Variants in SNAPC4 observed in about 807,000 individuals in gnomAD.
SNAPC4 encodes the protein snRNA-activating protein complex subunit 4.
In SNAPC4, 127 loss-of-function variants were observed where a neutral mutation model predicts 151.3. The observed-to-expected ratio is 0.84, with a 90% CI of 0.73 to 0.97. The LOEUF is 0.97. SNAPC4 is among the 50% of genes least tolerant of loss of function. SNAPC4 has a pLI of 0.00. For synonymous variants in SNAPC4, 1,002 were observed against 824.4 expected, an observed-to-expected ratio of 1.22 and a Z score of -3.69; for missense variants, 2,186 against 1,935.0, an observed-to-expected ratio of 1.13 and a Z score of -2.43.
chr9:136,387,426 A>T, intron 13 of SNAPC4, 59 bp downstream of exon 13: 1 of 1,185,296 alleles, frequency 8.4e-7, no homozygotes, highest in Non-Finnish European at 1.3e-6. Flanking sequence ...CCCACACCAG[A>T]GTGCACCTGG....
Position 136,392,695 on chromosome 9 carries a change from C to A in SNAPC4, c.715G>T (p.Glu239Ter). The A allele has an allele frequency of 1.9e-6, 3 of 1,613,782 alleles. No homozygotes were observed. Among genetic ancestry groups the A allele is most frequent in the Non-Finnish European group, 2.5e-6 (3 of 1,180,020 alleles). The change falls in exon 8 of 24, where the codon GAG becomes TAG. Residue 239 changes from glutamate (E) to a stop codon, truncating the protein, a stop_gained. Transcript: ENST00000684778. LOFTEE classifies it high-confidence loss of function. ...QALEKQGREAEKEIQDINQLP... is the reference protein window; with the variant it reads ...QALEKQGREA ...CACTTGATGTCCTGGATCTCCTTCT[C>A]GGCTTCCCTGCCCTGCTTCTCCAGG... is the stretch of plus-strand genomic sequence containing the variant.
At chr9:136,377,008 C>G (rs895564372) in intron 22 of SNAPC4, among the ~76,000 whole-genome samples, 2 of 152,226 alleles carry the variant, frequency 1.3e-5, no homozygotes, top group African/African-American at 4.8e-5. Flanking sequence ...GGGGAGGAGG[C>G]CTCTCTGGGG....
At chr9:136,399,711 G>A (rs1175946740) in intron 1 of SNAPC4, among the ~76,000 whole-genome samples, 2 of 152,190 alleles carry the variant, frequency 1.3e-5, no homozygotes, top group African/African-American at 2.4e-5. Flanking sequence ...GGGAACCCCA[G>A]GATGCGCCAG....
Position 136,383,126 on chromosome 9 carries a change from G to A in SNAPC4, c.1983+60C>T. 2 of 1,502,182 alleles carry A rather than the reference G, an allele frequency of 1.3e-6. No individual in the cohort carries two copies. Among genetic ancestry groups the A allele is most frequent in the Admixed American group, 2.3e-5 (1 of 43,334 alleles). 93.1% of individuals were successfully genotyped at this position (1,502,182 alleles called of 1,614,324 possible). A position where few individuals can be genotyped will look rare whatever the true frequency, so the allele number is the denominator to read the frequency against. Reference sequence around the variant, plus strand: ...GCTGCTGCACTATCCCCAAGCGTCAGCCCTGGCGAGCGAGTGCCGAAAGTG... The same window carrying A: ...GCTGCTGCACTATCCCCAAGCGTCAACCCTGGCGAGCGAGTGCCGAAAGTG... On this transcript the variant is annotated intron_variant, in intron 16 of 23. Transcript: ENST00000684778. This position sits in a 1 kb window ranked among gnomAD's most constrained non-coding sequence, Gnocchi z 4.2.
In SNAPC4 at chr9:136,379,283, G is replaced by A. The variant is rs774396873; in HGVS notation, c.2544C>T (p.Asn848=). 2.7e-5 allele frequency: 44 copies of A among 1,612,516 alleles called. No individual in the cohort carries two copies. The highest frequency in any genetic ancestry group is 3.3e-4 in the Middle Eastern group (2 of 6,050). The change falls in exon 22 of 24, where the codon AAC becomes AAT. Residue 848 remains asparagine, a synonymous_variant. Transcript: ENST00000684778. ...AQSTPGHLFP[N]VPAQEASKSA... ...TCTTTGAGGCTTCTTGAGCCGGCAC[G>A]TTTGGGAAGAGGTGGCCTGTGGGGA...
In SNAPC4 at chr9:136,383,432, G is replaced by A. The variant is rs1833775173; in HGVS notation, c.1737C>T (p.Thr579=). The A allele has an allele frequency of 1.3e-6, 2 of 1,564,146 alleles. No homozygotes were observed. The highest frequency in any genetic ancestry group is 1.7e-6 in the Non-Finnish European group (2 of 1,154,400). ...MDLWVPARQS[T]SQPWRGGAGA... is the part of the protein sequence containing the mutation. ...CTGCCCCTCCTCTCCATGGCTGGCT[G>A]GTGCTCTGCCTGGCAGGAACCCACA... is the stretch of plus-strand genomic sequence containing the variant. The change falls in exon 16 of 24, where the codon ACC becomes ACT. Residue 579 remains threonine (T), a synonymous_variant. Coordinates refer to ENST00000684778, the MANE Select transcript of SNAPC4 (RefSeq NM_003086.4). The surrounding 1 kb of genome is among the most constrained non-coding windows in gnomAD (Gnocchi z 4.2).
At chr9:136,392,212 G>T in intron 9 of SNAPC4, 106 bp from the exon 10 acceptor site, 1 of 1,399,644 alleles carries the variant, frequency 7.1e-7, no homozygotes. Context: ...GGCTTCCACG[G>T]CTGCAAGTAA....
In SNAPC4 at chr9:136,377,861, C is replaced by T. The variant is rs781005050; in HGVS notation, c.3966G>A (p.Lys1322=). The part of the protein sequence containing the change: ...RALSGLLLHK[K]ALEHKATSLV... ...GGGAGGTGGCCTTGTGCTCCAGGGCCTTCTTGTGGAGTAGGAGACCGGACA... is the reference window on the plus strand; with the variant it reads ...GGGAGGTGGCCTTGTGCTCCAGGGCTTTCTTGTGGAGTAGGAGACCGGACA... The change falls in exon 22 of 24, where the codon AAG becomes AAA. Residue 1322 remains lysine, a synonymous_variant. Coordinates refer to ENST00000684778, the MANE Select transcript of SNAPC4 (RefSeq NM_003086.4). 1.9e-6 allele frequency: 3 copies of T among 1,611,602 alleles called. No homozygotes were observed. Among genetic ancestry groups the T allele is most frequent in the Admixed American group, 1.7e-5 (1 of 60,016 alleles).
intron 16 of SNAPC4, among the ~76,000 whole-genome samples, 200 bp from the exon 17 acceptor site, chr9:136,382,536 TGGGACATTAACA>T (rs1588746442): frequency 6.6e-6 from 1 of 152,180 alleles, no homozygotes; most frequent in East Asian, 1.9e-4. Context: ...GCCTGGCTCC[TGGGACATTAACA>T]GGGTCCCATG....
chr9:136,381,464 C>A, intron 18 of SNAPC4, 72 bp from the exon 19 acceptor site: 1 of 1,377,346 alleles, frequency 7.3e-7, no homozygotes, highest in Non-Finnish European at 1.0e-6. Context: ...TGGAAAGCAG[C>A]CCCAGCTCCC....
intron 10 of SNAPC4, 98 bp downstream of exon 10, chr9:136,391,844 T>G (rs11145850): frequency 7.6e-6 from 10 of 1,312,620 alleles, no homozygotes; most frequent in Non-Finnish European, 1.0e-5. Context: ...TGGCGGTGAG[T>G]GAGCACTGGG....
chr9:136,383,466 T>C lies in SNAPC4; in HGVS notation c.1703A>G (p.Asp568Gly). 6.4e-7 allele frequency: 1 copy of C among 1,563,002 alleles called. No homozygotes were observed. The part of the protein sequence containing the change: ...ALLSPQYMVP[D>G]MDLWVPARQS... ...CCTGGCAGGAACCCACAGGTCCATG[T>C]CCGGGACCATGTACTGTGGGGACAG... Residue 568 changes from aspartate to glycine, a missense_variant, in exon 16 of 24, where the codon GAC becomes GGC. Coordinates refer to ENST00000684778, the MANE Select transcript of SNAPC4 (RefSeq NM_003086.4). The surrounding 1 kb of genome is among the most constrained non-coding windows in gnomAD (Gnocchi z 4.2).
Position 136,398,398 on chromosome 9 carries a change from T to G in SNAPC4, c.31A>C (p.Thr11Pro). Residue 11 changes from threonine to proline, a missense_variant, in exon 2 of 24, where the codon ACA (threonine) becomes CCA (proline). Physicochemically the swap from Thr to Pro is conservative, Grantham distance 38. Transcript: ENST00000684778. MDVDAEREKI[T>P]QEIKELERIL... ...CTTTCCAGCTCCTTGATCTCCTGTG[T>G]TATCTTCTCTCTTTCAGCATCTACA... 1 of 1,613,734 alleles carries G rather than the reference T, an allele frequency of 6.2e-7. No homozygotes were observed. The highest frequency in any genetic ancestry group is 1.1e-5 in the South Asian group (1 of 91,066).
chr9:136,397,191 C>T (rs191374965), intron 2 of SNAPC4, among the ~76,000 whole-genome samples, 168 bp from the exon 3 acceptor site: 1 of 152,176 alleles, frequency 6.6e-6, no homozygotes, highest in Non-Finnish European at 1.5e-5. Flanking sequence ...GGGGTGGGCA[C>T]TGGACCAAGG....
rs777906485 is a variant in SNAPC4, at chr9:136,383,522, C to T, written c.1647G>A (p.Gln549=). The T allele has an allele frequency of 8.8e-6, 14 of 1,592,436 alleles. No homozygotes were observed. In the East Asian group the frequency reaches 3.2e-4, roughly 37 times the overall value. The change falls in exon 16 of 24, where the codon CAG becomes CAA. Residue 549 remains glutamine, a synonymous_variant. Transcript: ENST00000684778. This position sits in a 1 kb window ranked among gnomAD's most constrained non-coding sequence, Gnocchi z 4.2. ...CTCTGTCACCCTCCCCGGCCTGCGC[C>T]TGCTCTGGCTCGTCCTCCTCGCTGC... is the stretch of plus-strand genomic sequence containing the variant. ...SSSSEEDEPE[Q]AQAGEGDRAL...
chr9:136,387,453 GC>G (rs1453838769), intron 13 of SNAPC4, 31 bp downstream of exon 13: 2 of 1,482,528 alleles, frequency 1.3e-6, no homozygotes, highest in Admixed American at 3.3e-5. Context: ...ACCCACACGG[GC>G]CCCTCCCTCG....
At chr9:136,387,435 G>A (rs1028101236) in intron 13 of SNAPC4, 50 bp downstream of exon 13, 1 of 1,306,878 alleles carries the variant, frequency 7.7e-7, no homozygotes, top group Non-Finnish European at 1.1e-6. Flanking sequence ...GAGTGCACCT[G>A]GTCAGTGACC....
chr9:136,382,233 G>T lies in SNAPC4; in HGVS notation c.2067+20C>A. On this transcript the variant is annotated intron_variant, in intron 17 of 23. Transcript: ENST00000684778. The stretch of plus-strand genomic sequence containing the variant: ...GGGGCACGTGGTGGCGTGCGCGTGG[G>T]TGTCTGCAGCAGGCCTCACCTGTGT... 1 of 1,610,962 alleles carries T rather than the reference G, an allele frequency of 6.2e-7. No individual in the cohort carries two copies.
At chr9:136,399,802 G>C (rs368611510) in intron 1 of SNAPC4, among the ~76,000 whole-genome samples, 2 of 152,224 alleles carry the variant, frequency 1.3e-5, no homozygotes, top group Non-Finnish European at 2.9e-5. Context: ...GCGTGAACTG[G>C]GGAAACCCCC....
Sources: allele counts gnomAD v4.1 joint callset (sites outside exome capture counted in the v4.1 genomes callset), GRCh38; gene constraint gnomAD v4.1.1; non-coding constraint Gnocchi (gnomAD v3.1); transcripts MANE v1.5; gene names NCBI Gene and HGNC (gene_info 2026-07-23, HGNC 2026-07-21).